Variants in TBC1D5 observed in about 807,000 individuals in gnomAD.
The protein encoded by TBC1D5 is TBC1 domain family, member 5.
TBC1D5 carries 75 observed loss-of-function variants against 100.3 expected under a neutral mutation model. The ratio of observed to expected loss-of-function variants is 0.75; its 90% CI spans 0.62 to 0.91. The LOEUF is 0.91. TBC1D5 is among the 40% of genes least tolerant of loss of function. The pLI is 0.00. For synonymous variants in TBC1D5, 323 were observed against 325.6 expected, an observed-to-expected ratio of 0.99 and a Z score of 0.09; for missense variants, 910 against 942.4, an observed-to-expected ratio of 0.97 and a Z score of 0.45.
intron 21 of TBC1D5, among the ~76,000 whole-genome samples, chr3:17,165,269 A>G (rs2066480941): frequency 6.6e-6 from 1 of 152,240 alleles, no homozygotes; most frequent in Non-Finnish European, 1.5e-5. Context: ...TAAGTTCTAA[A>G]TTTAACAAAT....
chr3:17,442,478 T>G (rs2094685948), intron 3 of TBC1D5, among the ~76,000 whole-genome samples: 1 of 152,208 alleles, frequency 6.6e-6, no homozygotes, highest in Non-Finnish European at 1.5e-5. Context: ...TGTGGAACTG[T>G]GCAATAGCAC....
intron 3 of TBC1D5, among the ~76,000 whole-genome samples, chr3:17,485,245 C>T (rs1233709019): frequency 6.6e-6 from 1 of 151,520 alleles, no homozygotes; most frequent in Non-Finnish European, 1.5e-5. Context: ...TTTCTATGCT[C>T]TCTATATTCA....
chr3:17,635,923 TG>T (rs1376762790), intron 1 of TBC1D5, among the ~76,000 whole-genome samples: 1 of 152,142 alleles, frequency 6.6e-6, no homozygotes. Context: ...CCGGACACGG[TG>T]ACTCATGCCT....
chr3:17,606,053 G>C (rs939212951), intron 2 of TBC1D5, among the ~76,000 whole-genome samples: 16 of 152,108 alleles, frequency 1.1e-4, no homozygotes, highest in African/African-American at 3.9e-4. Context: ...CTCATTTCAT[G>C]ACTACTCTAC....
At position 17,208,508 on chromosome 3, in the gene TBC1D5, A is replaced by G. The variant is rs572831719; in HGVS notation, c.1752+5699T>C. On this transcript the variant is annotated intron_variant, in intron 18 of 21. Transcript: ENST00000253692. ...GCAAAGTGTACTGACTTAACACACT[A>G]TTTAATAAAATAATAAGATAAAACT... 8.5e-5 allele frequency among the ~76,000 whole-genome samples: 13 copies of G among 152,336 alleles called. No homozygotes were observed. The South Asian group carries it at 2.7e-3, about 32-fold the overall frequency.
intron 1 of TBC1D5, among the ~76,000 whole-genome samples, chr3:17,704,298 T>A (rs1344923108): frequency 6.7e-6 from 1 of 149,756 alleles, no homozygotes; most frequent in Non-Finnish European, 1.5e-5. Context: ...CAGAACAAAA[T>A]GAAAAGTCTC....
At chr3:17,260,329 T>G (rs866928610) in intron 15 of TBC1D5, among the ~76,000 whole-genome samples, 2 of 152,218 alleles carry the variant, frequency 1.3e-5, no homozygotes, top group Middle Eastern at 6.8e-3. Context: ...AAAGAAGGGA[T>G]CACATGGAGC....
chr3:17,660,429 C>A (rs2066527503), intron 1 of TBC1D5, among the ~76,000 whole-genome samples: 1 of 152,174 alleles, frequency 6.6e-6, no homozygotes, highest in Non-Finnish European at 1.5e-5. Flanking sequence ...TAATACCATC[C>A]TTCCTGCAAG....
intron 9 of TBC1D5, among the ~76,000 whole-genome samples, chr3:17,377,953 C>A (rs1163372295): frequency 6.6e-6 from 1 of 151,492 alleles, no homozygotes; most frequent in African/African-American, 2.4e-5. Flanking sequence ...ATGTTAGACA[C>A]CTAGAAAAAT....
At chr3:17,180,969 G>A (rs990714488) in intron 19 of TBC1D5, among the ~76,000 whole-genome samples, 1 of 150,596 alleles carries the variant, frequency 6.6e-6, no homozygotes, top group Non-Finnish European at 1.5e-5. Flanking sequence ...GAGTTCTCTC[G>A]ATATGAATGG....
intron 3 of TBC1D5, among the ~76,000 whole-genome samples, chr3:17,469,936 A>C (rs2095353669): frequency 6.6e-6 from 1 of 152,256 alleles, no homozygotes; most frequent in African/African-American, 2.4e-5. Context: ...AATGTTTTAC[A>C]TAAAGAATTT....
At chr3:17,738,702 C>A (rs1256941022) in intron 1 of TBC1D5, among the ~76,000 whole-genome samples, 1 of 152,086 alleles carries the variant, frequency 6.6e-6, no homozygotes, top group Non-Finnish European at 1.5e-5. Flanking sequence ...CAGCCCACAA[C>A]ACAGCATCAG....
intron 3 of TBC1D5, among the ~76,000 whole-genome samples, chr3:17,466,369 G>C (rs899652612): frequency 3.9e-5 from 6 of 152,150 alleles, no homozygotes; most frequent in Admixed American, 2.0e-4. Context: ...TATTTAGATA[G>C]GAAAATAGAT....
intron 2 of TBC1D5, among the ~76,000 whole-genome samples, chr3:17,568,763 T>C (rs1377226117): frequency 1.3e-5 from 2 of 151,690 alleles, no homozygotes; most frequent in Non-Finnish European, 3.0e-5. Context: ...ATATTGCCTA[T>C]TTTCTTCTCC....
intron 3 of TBC1D5, among the ~76,000 whole-genome samples, chr3:17,497,362 CA>C (rs1286185192): frequency 1.3e-5 from 2 of 152,116 alleles, no homozygotes; most frequent in African/African-American, 4.8e-5. Context: ...ATATGAATTC[CA>C]TAAGAGAAAG....
chr3:17,397,725 AAAG>A (rs1225103256), intron 8 of TBC1D5, among the ~76,000 whole-genome samples: 9 of 152,200 alleles, frequency 5.9e-5, no homozygotes, highest in African/African-American at 2.2e-4. Context: ...CAAGTAAGAA[AAAG>A]AATAATTAAA....
intron 14 of TBC1D5, among the ~76,000 whole-genome samples, chr3:17,305,577 T>A (rs566561373): frequency 2.0e-5 from 3 of 152,274 alleles, no homozygotes; most frequent in African/African-American, 7.2e-5. Context: ...ACATTTAACT[T>A]TATTTTTCAA....
intron 4 of TBC1D5, among the ~76,000 whole-genome samples, chr3:17,412,025 A>G (rs765426982): frequency 3.9e-5 from 6 of 152,214 alleles, no homozygotes; most frequent in Admixed American, 6.5e-5. Context: ...AAATATAAAC[A>G]TTTATTAAGC....
At chr3:17,559,057 CG>C (rs2096539870) in intron 2 of TBC1D5, among the ~76,000 whole-genome samples, 2 of 150,466 alleles carry the variant, frequency 1.3e-5, no homozygotes, top group South Asian at 4.2e-4. Context: ...AAATATTTTA[CG>C]GTCTATTTTC....
Sources: allele counts gnomAD v4.1 joint callset (sites outside exome capture counted in the v4.1 genomes callset), GRCh38; gene constraint gnomAD v4.1.1; transcripts MANE v1.5; gene names NCBI Gene and HGNC (gene_info 2026-07-23, HGNC 2026-07-21).